Variants in MIB1 observed in about 807,000 individuals in gnomAD.
The protein encoded by MIB1 is MIB E3 ubiquitin protein ligase 1.
A neutral mutation model predicts 124.5 loss-of-function variants in MIB1; 278 were observed. That is an observed-to-expected ratio of 2.23 (90% CI 2.02 to 2.47). The LOEUF (loss-of-function observed/expected upper bound fraction) is 2.47, where lower values mean the gene tolerates loss of function less well. Among genes scored for constraint, MIB1 ranks in the 30% most tolerant of loss-of-function variants. MIB1 has a pLI of 0.00. For missense variants in MIB1, 957 were observed against 1,254.4 expected (o/e 0.76, Z 3.58); for synonymous variants, 446 against 429.4 (o/e 1.04, Z -0.48).
rs546770507 is a variant in MIB1 at position 21,774,364 on chromosome 18, G to A, written c.636+636G>A. On this transcript the variant is annotated intron_variant, in intron 4 of 20. Coordinates refer to ENST00000261537, the MANE Select transcript of MIB1 (RefSeq NM_020774.4). ...AGCACTTTGGGAGGCCCAGGTGGGTGGATCACTTGAAGTCAGGAGTTTGAG... is the reference window on the plus strand; with the variant it reads ...AGCACTTTGGGAGGCCCAGGTGGGTAGATCACTTGAAGTCAGGAGTTTGAG... 1.6e-4 allele frequency among the ~76,000 whole-genome samples: 25 copies of A among 152,302 alleles called. 1 individual carries two copies. In the South Asian group the frequency reaches 4.3e-3, roughly 26 times the overall value.
At chr18:21,793,660 A>C (rs1215608377) in intron 7 of MIB1, among the ~76,000 whole-genome samples, 1 of 151,586 alleles carries the variant, frequency 6.6e-6, no homozygotes, top group Non-Finnish European at 1.5e-5. Flanking sequence ...GTGTGCCTGT[A>C]ATCCCAGGTA....
intron 11 of MIB1, among the ~76,000 whole-genome samples, chr18:21,818,676 C>T (rs2041852100): frequency 6.6e-6 from 1 of 152,106 alleles, no homozygotes; most frequent in Non-Finnish European, 1.5e-5. Context: ...GTGGCTCACG[C>T]CTGTAATCCC....
At chr18:21,790,511 C>G (rs774490856) in intron 6 of MIB1, among the ~76,000 whole-genome samples, 2 of 151,942 alleles carry the variant, frequency 1.3e-5, no homozygotes, top group Admixed American at 6.6e-5. Context: ...AATAAATCTT[C>G]CAAGATGCAT....
intron 1 of MIB1, among the ~76,000 whole-genome samples, chr18:21,728,230 C>T (rs977696236): frequency 2.0e-5 from 3 of 152,172 alleles, no homozygotes; most frequent in Admixed American, 6.5e-5. Flanking sequence ...CAGTGGCTCA[C>T]GCCTGTAATC....
At chr18:21,806,100 G>A (rs1333734126) in intron 10 of MIB1, among the ~76,000 whole-genome samples, 2 of 151,310 alleles carry the variant, frequency 1.3e-5, no homozygotes, top group South Asian at 2.1e-4. Flanking sequence ...TTGGGGTTTC[G>A]CCATGTTGGC....
chr18:21,754,567 G>A (rs527690307), intron 1 of MIB1, among the ~76,000 whole-genome samples: 34 of 152,230 alleles, frequency 2.2e-4, no homozygotes, highest in African/African-American at 7.2e-4. Context: ...GCTGAAGAGC[G>A]GTGATGTTGG....
intron 3 of MIB1, among the ~76,000 whole-genome samples, chr18:21,770,413 C>G (rs936592947): frequency 6.6e-6 from 1 of 152,106 alleles, no homozygotes; most frequent in Non-Finnish European, 1.5e-5. Context: ...TTTTCCCCTT[C>G]AGTGCTGGAT....
intron 7 of MIB1, among the ~76,000 whole-genome samples, chr18:21,795,703 T>C (rs532862309): frequency 2.0e-4 from 30 of 152,194 alleles, no homozygotes; most frequent in Non-Finnish European, 4.0e-4. Flanking sequence ...AGCATAACCA[T>C]GTAGAGAGAA....
At chr18:21,782,398 T>C (rs1201734009) in intron 6 of MIB1, among the ~76,000 whole-genome samples, 2 of 152,214 alleles carry the variant, frequency 1.3e-5, no homozygotes, top group African/African-American at 4.8e-5. Context: ...ACTGGGATTA[T>C]AGGCATGAAC....
In MIB1 at chr18:21,823,518, C is replaced by T. The variant is rs111422976; in HGVS notation, c.1829+3872C>T. Among the ~76,000 whole-genome samples, 429 of 152,208 alleles carry T rather than the reference C, an allele frequency of 2.8e-3. 4 individuals carry two copies. The highest frequency in any genetic ancestry group is 2.7e-3 in the Non-Finnish European group (183 of 68,004). On this transcript the variant is annotated intron_variant, in intron 12 of 20. Coordinates refer to ENST00000261537, the MANE Select transcript of MIB1 (RefSeq NM_020774.4). ...TTTTGAAGACTGTCCTTTGAAGTCT[C>T]TATTTCAAAGGTGCAGATCAATATG...
At chr18:21,798,658 TCA>T (rs537456246) in intron 8 of MIB1, among the ~76,000 whole-genome samples, 320 of 152,242 alleles carry the variant, frequency 2.1e-3, no homozygotes, top group African/African-American at 7.4e-3. Flanking sequence ...TTTTTACATA[TCA>T]GTTATTTTTT....
chr18:21,725,062 T>G (rs2040735175), intron 1 of MIB1, among the ~76,000 whole-genome samples: 2 of 128,736 alleles, frequency 1.6e-5, no homozygotes, highest in Admixed American at 9.2e-5. Flanking sequence ...GCCACTGCAC[T>G]CCAGCCTGGG....
rs749559189 is a variant in MIB1, at chr18:21,778,186, G to C, written c.703+17G>C. On this transcript the variant is annotated intron_variant, in intron 5 of 20. Coordinates refer to ENST00000261537, the MANE Select transcript of MIB1 (RefSeq NM_020774.4). ...CTGTGCTAGGTGAGTGAGAAGATTAGAGAGTATTACTAAATAATGGGTCAG... is the reference window on the plus strand; with the variant it reads ...CTGTGCTAGGTGAGTGAGAAGATTACAGAGTATTACTAAATAATGGGTCAG... 7 of 1,541,458 alleles carry C rather than the reference G, an allele frequency of 4.5e-6. No individual in the cohort carries two copies. The East Asian group carries it at 9.0e-5, about 20-fold the overall frequency.
In MIB1 at chr18:21,730,292, C is replaced by T. The variant is rs928936167; in HGVS notation, n.167+25169C>T. On this transcript the variant is annotated intron_variant and non_coding_transcript_variant, in intron 1 of 20. Coordinates refer to the MIB1 transcript ENST00000578646. ...TTAAAAAAATTAACACTGGGCTGGG[C>T]GCAGTGGCTCATGCCTGTAATCCCA... 1.4e-4 allele frequency among the ~76,000 whole-genome samples: 22 copies of T among 152,170 alleles called. 1 individual carries two copies. Among genetic ancestry groups the T allele is most frequent in the Admixed American group, 1.4e-3 (22 of 15,274 alleles).
chr18:21,758,735 A>C (rs752190544), intron 1 of MIB1, among the ~76,000 whole-genome samples: 1 of 152,026 alleles, frequency 6.6e-6, no homozygotes, highest in Non-Finnish European at 1.5e-5. Flanking sequence ...GGGTTTCACT[A>C]TGTTGGCCAG....
intron 6 of MIB1, among the ~76,000 whole-genome samples, chr18:21,788,542 C>T (rs1025433024): frequency 8.5e-5 from 13 of 152,158 alleles, no homozygotes; most frequent in East Asian, 3.8e-4. Flanking sequence ...AATACTTACC[C>T]GGTAACATCA....
intron 15 of MIB1, among the ~76,000 whole-genome samples, chr18:21,845,898 C>T (rs2042130537): frequency 6.6e-6 from 1 of 152,330 alleles, no homozygotes; most frequent in East Asian, 1.9e-4. Context: ...CCTGGGATTA[C>T]AGGCATGAGC....
chr18:21,863,986 C>A (rs879380167), intron 20 of MIB1, among the ~76,000 whole-genome samples: 1 of 151,866 alleles, frequency 6.6e-6, no homozygotes, highest in Admixed American at 6.6e-5. Flanking sequence ...AGCCTGGCGA[C>A]AGAGTGAGAC....
intron 20 of MIB1, among the ~76,000 whole-genome samples, chr18:21,861,661 A>C (rs974728790): frequency 1.3e-5 from 2 of 150,610 alleles, no homozygotes; most frequent in African/African-American, 4.9e-5. Flanking sequence ...AAAAAAAAAA[A>C]ACAAACAACA....
Sources: allele counts gnomAD v4.1 joint callset (sites outside exome capture counted in the v4.1 genomes callset), GRCh38; gene constraint gnomAD v4.1.1; transcripts MANE v1.5; gene names NCBI Gene and HGNC (gene_info 2026-07-23, HGNC 2026-07-21).